Variants in STYK1 observed in about 807,000 individuals in gnomAD.
STYK1 encodes STY kinase 1.
Under a neutral mutation model 48.1 loss-of-function variants are expected in STYK1, and 46 were observed. The observed-to-expected ratio is 0.96, with a 90% CI of 0.75 to 1.22. STYK1 has a LOEUF of 1.22. STYK1 is among the 50% of genes most tolerant of loss of function. The pLI is 0.00. For missense variants in STYK1, 527 were observed against 521.1 expected (o/e 1.01, Z -0.11); for synonymous variants, 188 against 189.0 (o/e 0.99, Z 0.04).
At chr12:10,628,086 T>C (rs1371266461) in intron 6 of STYK1, among the ~76,000 whole-genome samples, 4 of 152,242 alleles carry the variant, frequency 2.6e-5, no homozygotes, top group Admixed American at 6.5e-5. Context: ...TGCATCTTTA[T>C]TGAATGCCTG....
chr12:10,657,242 G>A (rs550753691), intron 1 of STYK1, among the ~76,000 whole-genome samples: 1 of 152,104 alleles, frequency 6.6e-6, no homozygotes, highest in African/African-American at 2.4e-5. Flanking sequence ...TGCTTTCCTG[G>A]CCCTGTTCCT....
intron 5 of STYK1, 107 bp downstream of exon 5, chr12:10,630,938 G>C: frequency 7.0e-7 from 1 of 1,428,598 alleles, no homozygotes; most frequent in Non-Finnish European, 9.6e-7. Flanking sequence ...ACCTTCTTCT[G>C]TACACAGTTA....
chr12:10,649,468 C>T (rs1313248874), intron 1 of STYK1, among the ~76,000 whole-genome samples: 1 of 152,036 alleles, frequency 6.6e-6, no homozygotes, highest in Non-Finnish European at 1.5e-5. Flanking sequence ...AGTAAAAAGG[C>T]ACATTTTAAT....
Position 10,628,414 on chromosome 12 carries a change from T to C in STYK1, c.634-690A>G, listed in dbSNP as rs191608049. Among the ~76,000 whole-genome samples the C allele has an allele frequency of 3.7e-3, 560 of 152,234 alleles. 11 individuals carry two copies. Among genetic ancestry groups the C allele is most frequent in the Non-Finnish European group, 1.9e-3 (127 of 67,990 alleles). ...GTGGAACAAGAAAAACATATAAAGA[T>C]AATCTGAAATAGAGATGCGTGGTAT... On this transcript the variant is annotated intron_variant, in intron 6 of 10. Transcript: ENST00000075503.
chr12:10,634,501 C>T, intron 3 of STYK1, 66 bp downstream of exon 3: 1 of 1,511,870 alleles, frequency 6.6e-7, no homozygotes, highest in African/African-American at 1.4e-5. Flanking sequence ...CTTCTAGAAT[C>T]TACCGAGACC....
intron 4 of STYK1, among the ~76,000 whole-genome samples, chr12:10,632,722 T>C (rs1280390223): frequency 6.6e-6 from 1 of 152,124 alleles, no homozygotes; most frequent in Non-Finnish European, 1.5e-5. Flanking sequence ...GTAACTTGGG[T>C]TTATTTTGAA....
chr12:10,670,995 ATT>A (rs763044772), intron 1 of STYK1, among the ~76,000 whole-genome samples: 3 of 110,468 alleles, frequency 2.7e-5, no homozygotes, highest in African/African-American at 1.1e-4. Flanking sequence ...GAATATATTG[ATT>A]TTTTTTTTTT....
Position 10,660,306 on chromosome 12 carries a change from C to T in STYK1, c.-195+13660G>A, listed in dbSNP as rs534538781. 6.6e-5 allele frequency among the ~76,000 whole-genome samples: 10 copies of T among 152,274 alleles called. No individual in the cohort carries two copies. The South Asian group carries it at 2.1e-3, about 32-fold the overall frequency. ...AGAGTTATGAATGGCCCTCTCCATA[C>T]TGATACTTTCTGACCAAGCTTCTCT... is the stretch of plus-strand genomic sequence containing the variant. On this transcript the variant is annotated intron_variant, in intron 1 of 10. Coordinates refer to ENST00000075503, the MANE Select transcript of STYK1 (RefSeq NM_018423.3).
chr12:10,628,534 C>G (rs995302963), intron 6 of STYK1, among the ~76,000 whole-genome samples: 1 of 152,158 alleles, frequency 6.6e-6, no homozygotes, highest in African/African-American at 2.4e-5. Context: ...TAAATACTTG[C>G]AATCGTCCTA....
intron 6 of STYK1, among the ~76,000 whole-genome samples, 197 bp downstream of exon 6, chr12:10,629,296 G>A (rs557254010): frequency 2.2e-4 from 34 of 152,284 alleles, no homozygotes; most frequent in African/African-American, 8.2e-4. Flanking sequence ...TGTGATTAGT[G>A]GCTTATCATA....
At chr12:10,621,644 G>A (rs1443995952) in intron 10 of STYK1, among the ~76,000 whole-genome samples, 1 of 152,046 alleles carries the variant, frequency 6.6e-6, no homozygotes, top group Non-Finnish European at 1.5e-5. Context: ...GGGGGTATGT[G>A]TGTGTATGTG....
In STYK1 at chr12:10,620,563, A is replaced by G. The variant is rs185289676; in HGVS notation, c.1065-215T>C. ...ACTTTCTCAACAAGTGCTCTTGTAT[A>G]ATAGGAATGACTTAACATTTTCCAA... On this transcript the variant is annotated intron_variant, in intron 10 of 10. Coordinates refer to ENST00000075503, the MANE Select transcript of STYK1 (RefSeq NM_018423.3). 1.2e-4 allele frequency among the ~76,000 whole-genome samples: 18 copies of G among 152,312 alleles called. No individual in the cohort carries two copies. The East Asian group carries it at 3.1e-3, about 26-fold the overall frequency.
At chr12:10,661,429 C>A (rs141538047) in intron 1 of STYK1, among the ~76,000 whole-genome samples, 1 of 152,190 alleles carries the variant, frequency 6.6e-6, no homozygotes, top group African/African-American at 2.4e-5. Context: ...GCATGGAGCA[C>A]AGTCCAGCCA....
intron 4 of STYK1, 117 bp from the exon 5 acceptor site, chr12:10,631,425 G>A (rs1947428321): frequency 1.6e-6 from 2 of 1,282,110 alleles, no homozygotes; most frequent in African/African-American, 1.5e-5. Flanking sequence ...GGCCAATGGG[G>A]AGTTGTCTTC....
chr12:10,670,768 T>C (rs963032364), intron 1 of STYK1, among the ~76,000 whole-genome samples: 3 of 151,314 alleles, frequency 2.0e-5, no homozygotes, highest in African/African-American at 7.3e-5. Flanking sequence ...AATAATACTA[T>C]GTTAATTAGC....
intron 1 of STYK1, among the ~76,000 whole-genome samples, chr12:10,656,975 A>T (rs2120769557): frequency 6.6e-6 from 1 of 152,306 alleles, no homozygotes; most frequent in Admixed American, 6.5e-5. Flanking sequence ...TAGGAAACAT[A>T]CTTTTAGGGA....
chr12:10,655,201 A>G (rs1407463529), intron 1 of STYK1, among the ~76,000 whole-genome samples: 3 of 152,242 alleles, frequency 2.0e-5, no homozygotes, highest in Non-Finnish European at 4.4e-5. Flanking sequence ...ACCTTGGGAT[A>G]GAACACAGGC....
At position 10,673,251 on chromosome 12, in the gene STYK1, C is replaced by T. The variant is rs191285555; in HGVS notation, c.-195+715G>A. 1.3e-3 allele frequency among the ~76,000 whole-genome samples: 199 copies of T among 152,166 alleles called. 2 individuals carry two copies. The highest frequency in any genetic ancestry group is 0.011 in the Admixed American group (172 of 15,294). ...AAATAGCCGGCCGTGGTGGTGGGAG[C>T]CTGTAATCCCAGCTACTTGGGAGGC... On this transcript the variant is annotated intron_variant, in intron 1 of 10. Transcript: ENST00000075503.
chr12:10,634,880 G>A (rs868482386), intron 2 of STYK1, among the ~76,000 whole-genome samples, 194 bp from the exon 3 acceptor site: 12 of 151,914 alleles, frequency 7.9e-5, no homozygotes, highest in South Asian at 2.1e-4. Context: ...TCCTCTCAGC[G>A]TTTCTCTTTT....
Sources: gnomAD v4.1 joint callset for allele counts (sites outside exome capture counted in the v4.1 genomes callset) on GRCh38, gnomAD v4.1.1 for gene constraint, MANE v1.5 for transcripts, NCBI Gene and HGNC (gene_info 2026-07-23, HGNC 2026-07-21) for gene names.